RBFOX1: variants seen among roughly 807,000 people sequenced by gnomAD.
RBFOX1 encodes the protein RNA binding fox-1 homolog 1.
RBFOX1 carries 8 observed loss-of-function variants against 57.7 expected under a neutral mutation model. The ratio of observed to expected loss-of-function variants is 0.14; its 90% CI spans 0.08 to 0.25. RBFOX1 has a LOEUF of 0.25. Ranked by LOEUF, RBFOX1 falls within the 10% of genes least tolerant of loss-of-function variation. The pLI is 1.00. For synonymous variants in RBFOX1, 326 were observed against 222.4 expected (o/e 1.47, Z -4.15); for missense variants, 611 against 548.5 (o/e 1.11, Z -1.14).
At chr16:7,221,728 A>G (rs528213837) in intron 4 of RBFOX1, among the ~76,000 whole-genome samples, 2 of 152,292 alleles carry the variant, frequency 1.3e-5, no homozygotes, top group African/African-American at 4.8e-5. Flanking sequence ...AAGCACTTCA[A>G]AATTTCAGTG....
intron 4 of RBFOX1, among the ~76,000 whole-genome samples, chr16:7,337,604 C>G (rs980408063): frequency 6.6e-6 from 1 of 152,328 alleles, no homozygotes; most frequent in Middle Eastern, 3.4e-3. Flanking sequence ...CACTGCGTCT[C>G]TGCAAGCTCA....
chr16:5,822,457 AAAAT>A (rs2055889752), intron 3 of RBFOX1, among the ~76,000 whole-genome samples: 2 of 152,208 alleles, frequency 1.3e-5, no homozygotes, highest in African/African-American at 4.8e-5. Context: ...ATACAAATAA[AAAAT>A]AAAAAGTTAT....
intron 1 of RBFOX1, among the ~76,000 whole-genome samples, chr16:5,321,082 A>G (rs943650732): frequency 6.6e-6 from 1 of 152,188 alleles, no homozygotes; most frequent in Admixed American, 6.5e-5. Context: ...GCATCCAAGC[A>G]CTGGAGACTG....
chr16:7,054,398 C>T (rs994923630), intron 4 of RBFOX1, among the ~76,000 whole-genome samples: 1 of 151,650 alleles, frequency 6.6e-6, no homozygotes, highest in Non-Finnish European at 1.5e-5. Context: ...CGCCACCACG[C>T]CCAGCTAATT....
At chr16:6,852,067 A>G (rs2094101666) in intron 3 of RBFOX1, among the ~76,000 whole-genome samples, 2 of 151,824 alleles carry the variant, frequency 1.3e-5, no homozygotes. Flanking sequence ...CTGAGACTAC[A>G]GGCACCTGCC....
intron 3 of RBFOX1, among the ~76,000 whole-genome samples, chr16:5,703,427 G>C (rs1458340169): frequency 6.6e-6 from 1 of 152,216 alleles, no homozygotes; most frequent in Non-Finnish European, 1.5e-5. Context: ...AGGTGGGTAG[G>C]AGAACTGGAG....
chr16:7,103,456 GA>G (rs1463067917), intron 4 of RBFOX1, among the ~76,000 whole-genome samples: 5 of 152,136 alleles, frequency 3.3e-5, no homozygotes, highest in Non-Finnish European at 7.4e-5. Flanking sequence ...CAGTCCTGCT[GA>G]ATTTAGAAAT....
chr16:6,811,824 G>C (rs1220716146), intron 3 of RBFOX1, among the ~76,000 whole-genome samples: 1 of 152,208 alleles, frequency 6.6e-6, no homozygotes, highest in Non-Finnish European at 1.5e-5. Flanking sequence ...GGGAGGCAGA[G>C]GTTACAGTGA....
At chr16:7,368,553 C>T (rs2097506659) in intron 4 of RBFOX1, among the ~76,000 whole-genome samples, 1 of 151,832 alleles carries the variant, frequency 6.6e-6, no homozygotes, top group Non-Finnish European at 1.5e-5. Context: ...CCGAGGTGGG[C>T]AGATCATGAG....
intron 4 of RBFOX1, among the ~76,000 whole-genome samples, chr16:7,369,445 T>C (rs2097528695): frequency 6.6e-6 from 1 of 152,134 alleles, no homozygotes; most frequent in African/African-American, 2.4e-5. Context: ...TTTGGATGGA[T>C]ATGTTCACGC....
intron 4 of RBFOX1, among the ~76,000 whole-genome samples, chr16:7,307,496 G>A (rs746854970): frequency 3.9e-5 from 6 of 152,168 alleles, no homozygotes; most frequent in Non-Finnish European, 7.3e-5. Context: ...CAACTTTGAT[G>A]TTTACATTAT....
At chr16:5,848,852 G>A (rs2056819954) in intron 3 of RBFOX1, among the ~76,000 whole-genome samples, 4 of 152,094 alleles carry the variant, frequency 2.6e-5, no homozygotes, top group Admixed American at 2.6e-4. Flanking sequence ...GGGAGGCTGA[G>A]GCAGGAGAAT....
At chr16:6,985,990 AT>A (rs1234788689) in intron 3 of RBFOX1, among the ~76,000 whole-genome samples, 3 of 150,970 alleles carry the variant, frequency 2.0e-5, no homozygotes, top group Non-Finnish European at 3.0e-5. Context: ...GACGAGAGAA[AT>A]TTTTTTTCAT....
chr16:5,504,543 C>T (rs2043311565), intron 2 of RBFOX1, among the ~76,000 whole-genome samples: 1 of 152,224 alleles, frequency 6.6e-6, no homozygotes, highest in Non-Finnish European at 1.5e-5. Flanking sequence ...CTGCTGACGC[C>T]CTCCACGCGC....
chr16:6,542,079 C>G (rs1032161809), intron 2 of RBFOX1, among the ~76,000 whole-genome samples: 13 of 151,984 alleles, frequency 8.6e-5, no homozygotes, highest in Admixed American at 2.6e-4. Flanking sequence ...CAGGTGTGCA[C>G]CATCACACAG....
chr16:6,719,725 C>G (rs183193634), intron 3 of RBFOX1, among the ~76,000 whole-genome samples: 1 of 151,932 alleles, frequency 6.6e-6, no homozygotes. Context: ...GGATTACAGG[C>G]GTGAGCCACC....
At chr16:6,310,586 C>T (rs369346805) in intron 1 of RBFOX1, among the ~76,000 whole-genome samples, 4 of 152,156 alleles carry the variant, frequency 2.6e-5, no homozygotes, top group Admixed American at 6.5e-5. Flanking sequence ...AAGCTCCAAG[C>T]GGTCAAGCAG....
At chr16:5,785,331 G>A (rs981174488) in intron 3 of RBFOX1, among the ~76,000 whole-genome samples, 3 of 152,082 alleles carry the variant, frequency 2.0e-5, no homozygotes, top group African/African-American at 7.2e-5. Context: ...AGGTGGAGCT[G>A]GCTCAAAACT....
chr16:5,605,855 G>A (rs1340741855), intron 3 of RBFOX1, among the ~76,000 whole-genome samples: 1 of 152,134 alleles, frequency 6.6e-6, no homozygotes, highest in Admixed American at 6.5e-5. Context: ...CTTGAGAACA[G>A]GAGGGGAGAG....
Sources: gnomAD v4.1 joint callset for allele counts (sites outside exome capture counted in the v4.1 genomes callset) on GRCh38, gnomAD v4.1.1 for gene constraint, MANE v1.5 for transcripts, NCBI Gene and HGNC (gene_info 2026-07-23, HGNC 2026-07-21) for gene names.